The following SLC6A20 variants were observed in gnomAD, a reference collection of about 807,000 sequenced individuals.
SLC6A20 encodes solute carrier family 6 member 20.
Under a neutral mutation model 64.3 loss-of-function variants are expected in SLC6A20, and 73 were observed. That is an observed-to-expected ratio of 1.14 (90% CI 0.94 to 1.38). The LOEUF is 1.38. Ranked by LOEUF, SLC6A20 falls within the 40% of genes most tolerant of loss-of-function variation. The probability of loss-of-function intolerance (pLI) is 0.00; values close to 1 mark genes in which losing one functional copy is unlikely to be tolerated. For synonymous variants in SLC6A20, 347 were observed against 329.6 expected, an observed-to-expected ratio of 1.05 and a Z score of -0.57; for missense variants, 725 against 772.8, an observed-to-expected ratio of 0.94 and a Z score of 0.73.
At chr3:45,795,224 T>C (rs1700325852) in intron 1 of SLC6A20, among the ~76,000 whole-genome samples, 1 of 152,250 alleles carries the variant, frequency 6.6e-6, no homozygotes, top group Non-Finnish European at 1.5e-5. Flanking sequence ...CCCCATTCTT[T>C]TCTCTGCATA....
chr3:45,767,340 T>A (rs1215617026), intron 7 of SLC6A20, among the ~76,000 whole-genome samples: 1 of 152,050 alleles, frequency 6.6e-6, no homozygotes, highest in Non-Finnish European at 1.5e-5. Context: ...TAAACATGTA[T>A]CAATAAACTA....
At chr3:45,790,453 C>A (rs1700230936) in intron 1 of SLC6A20, 1 of 152,244 alleles carries the variant, frequency 6.6e-6, no homozygotes, top group East Asian at 1.9e-4. Context: ...CGCCTTCCTT[C>A]TCTTCATTCA....
intron 3 of SLC6A20, among the ~76,000 whole-genome samples, chr3:45,776,586 C>A (rs183539463): frequency 1.3e-5 from 2 of 152,168 alleles, no homozygotes; most frequent in African/African-American, 2.4e-5. Flanking sequence ...CAGGTTCTCT[C>A]GGGCTCAGAC....
chr3:45,774,729 G>T (rs1276068350), intron 4 of SLC6A20, among the ~76,000 whole-genome samples: 2 of 152,180 alleles, frequency 1.3e-5, no homozygotes, highest in Non-Finnish European at 2.9e-5. Context: ...GTGAGGACAG[G>T]TGGGCTCCTA....
chr3:45,763,421 G>A (rs563447738), intron 8 of SLC6A20, among the ~76,000 whole-genome samples: 5 of 152,270 alleles, frequency 3.3e-5, no homozygotes, highest in South Asian at 2.1e-4. Context: ...TATAACCCCC[G>A]CTGTTTATCC....
chr3:45,770,489 T>C, intron 6 of SLC6A20, 118 bp from the exon 7 acceptor site: 1 of 1,261,708 alleles, frequency 7.9e-7, no homozygotes. Flanking sequence ...TGCTTGGTGA[T>C]CTTTTAAAGG....
At chr3:45,785,107 A>G (rs1037050482) in intron 1 of SLC6A20, among the ~76,000 whole-genome samples, 1 of 152,220 alleles carries the variant, frequency 6.6e-6, no homozygotes. Flanking sequence ...CCATAGTAGG[A>G]TGATTCCATT....
intron 1 of SLC6A20, among the ~76,000 whole-genome samples, chr3:45,793,319 G>T (rs13064991): frequency 0.16 from 24,489 of 151,982 alleles, 2,509 homozygotes; most frequent in East Asian, 0.45. Flanking sequence ...TCCGTGCACA[G>T]GTTTATGTAA....
At chr3:45,766,141 T>C (rs907627393) in intron 7 of SLC6A20, among the ~76,000 whole-genome samples, 1 of 152,176 alleles carries the variant, frequency 6.6e-6, no homozygotes, top group Non-Finnish European at 1.5e-5. Context: ...AGCAGAATTG[T>C]AGGGAGACAG....
intron 1 of SLC6A20, among the ~76,000 whole-genome samples, chr3:45,784,759 A>C (rs368758348): frequency 2.6e-5 from 4 of 152,206 alleles, no homozygotes; most frequent in African/African-American, 7.2e-5. Context: ...GATAATTTAC[A>C]AAGAACAGAA....
intron 1 of SLC6A20, among the ~76,000 whole-genome samples, chr3:45,793,480 C>G (rs1700291608): frequency 6.6e-6 from 1 of 151,806 alleles, no homozygotes; most frequent in Admixed American, 6.6e-5. Context: ...GTTCTTTGAG[C>G]TGCCTTTTAT....
intron 1 of SLC6A20, among the ~76,000 whole-genome samples, chr3:45,786,529 A>G (rs1700171960): frequency 6.6e-6 from 1 of 152,234 alleles, no homozygotes; most frequent in African/African-American, 2.4e-5. Context: ...ACAAGATGTC[A>G]ATGTGTTCCA....
chr3:45,758,399 G>A lies in SLC6A20; in HGVS notation c.*579C>T. On this transcript the variant is annotated 3_prime_UTR_variant, in exon 11 of 11. Transcript: ENST00000358525. ...CCCACCGTCAGAGACCTTAGAGAAA[G>A]GATCCCTTTGGGGGTCCCAGACAAA... is the stretch of plus-strand genomic sequence containing the variant. The A allele has an allele frequency of 7.8e-7, 1 of 1,274,450 alleles. No individual in the cohort carries two copies. Among genetic ancestry groups the A allele is most frequent in the Non-Finnish European group, 1.0e-6 (1 of 981,510 alleles). 78.9% of individuals were successfully genotyped at this position (1,274,450 alleles called of 1,614,324 possible).
intron 5 of SLC6A20, 196 bp downstream of exon 5, chr3:45,772,309 A>G (rs9862021): frequency 5.6e-6 from 3 of 536,748 alleles, no homozygotes; most frequent in Non-Finnish European, 9.8e-6. Flanking sequence ...ATTAACAGGG[A>G]GTGGGGATGA....
At position 45,758,107 on chromosome 3, in the gene SLC6A20, G is replaced by C. The variant is rs2531750; in HGVS notation, c.*871C>G. 0.16 allele frequency: 25,770 copies of C among 158,648 alleles called. 2,300 individuals carry two copies. The highest frequency in any genetic ancestry group is 0.27 in the East Asian group (1,398 of 5,196). 9.8% of individuals were successfully genotyped at this position (158,648 alleles called of 1,614,324 possible). On this transcript the variant is annotated 3_prime_UTR_variant, in exon 11 of 11. Coordinates refer to ENST00000358525, the MANE Select transcript of SLC6A20 (RefSeq NM_020208.4). Reference sequence around the variant, plus strand: ...ATTTTTTTGTATTTTTAGTAGAAATGGGGTTTCGCCATGTTGGCCAGGCTG... The same window carrying C: ...ATTTTTTTGTATTTTTAGTAGAAATCGGGTTTCGCCATGTTGGCCAGGCTG...
Position 45,782,043 on chromosome 3 carries a change from G to A in SLC6A20, c.262+40C>T, listed in dbSNP as rs543202766. ...TCCCACCCACACCCCCATGCTGCCC[G>A]GGTCTCTGGGTGGGAGAGGACTGGA... On this transcript the variant is annotated intron_variant, in intron 2 of 10. Transcript: ENST00000358525. The A allele has an allele frequency of 5.6e-4, 868 of 1,550,086 alleles. 9 individuals are homozygous for A. The South Asian group carries it at 9.6e-3, about 17-fold the overall frequency.
At chr3:45,776,720 A>G (rs987260742) in intron 3 of SLC6A20, among the ~76,000 whole-genome samples, 2 of 152,326 alleles carry the variant, frequency 1.3e-5, no homozygotes, top group East Asian at 3.9e-4. Flanking sequence ...TACGCATCTC[A>G]GGACTTGAGG....
chr3:45,773,769 G>A (rs1388188920), intron 4 of SLC6A20, among the ~76,000 whole-genome samples: 2 of 152,196 alleles, frequency 1.3e-5, no homozygotes. Flanking sequence ...CACTCTGTAC[G>A]CTGTCACCCA....
intron 9 of SLC6A20, among the ~76,000 whole-genome samples, chr3:45,762,183 G>A (rs1699696410): frequency 6.6e-6 from 1 of 152,228 alleles, no homozygotes; most frequent in South Asian, 2.1e-4. Flanking sequence ...CGAGCGCCTT[G>A]TTGCTGCTGC....
Sources: gnomAD v4.1 joint callset for allele counts (sites outside exome capture counted in the v4.1 genomes callset) on GRCh38, gnomAD v4.1.1 for gene constraint, MANE v1.5 for transcripts, NCBI Gene and HGNC (gene_info 2026-07-23, HGNC 2026-07-21) for gene names.